Variants in PSG2 observed in about 807,000 individuals in gnomAD.
PSG2 encodes pregnancy-specific beta-1-glycoprotein 2.
Under a neutral mutation model 36.2 loss-of-function variants are expected in PSG2, and 49 were observed. That is an observed-to-expected ratio of 1.35 (90% CI 1.08 to 1.72). PSG2 has a LOEUF of 1.72. Among genes scored for constraint, PSG2 ranks in the 40% most tolerant of loss-of-function variants. The probability of loss-of-function intolerance (pLI) is 0.00; values close to 1 mark genes in which losing one functional copy is unlikely to be tolerated. For missense variants in PSG2, 605 were observed against 407.2 expected, an observed-to-expected ratio of 1.49 and a Z score of -4.18; for synonymous variants, 261 against 155.6, an observed-to-expected ratio of 1.68 and a Z score of -5.04.
intron 4 of PSG2, among the ~76,000 whole-genome samples, chr19:43,071,169 T>G (rs1220481763): frequency 6.6e-6 from 1 of 151,380 alleles, no homozygotes; most frequent in Non-Finnish European, 1.5e-5. Context: ...CACATGCTGG[T>G]CCCACCCCAG....
intron 3 of PSG2, chr19:43,072,642 C>G: frequency 6.2e-7 from 1 of 1,610,514 alleles, no homozygotes; most frequent in Non-Finnish European, 8.5e-7. Context: ...GTGTGGATAA[C>G]AGAGAGAAGA....
chr19:43,065,734 T>A (rs1967730551), intron 5 of PSG2: 1 of 151,786 alleles, frequency 6.6e-6, no homozygotes, highest in Non-Finnish European at 1.5e-5. Context: ...ACACATGAAC[T>A]GATCATCAGG....
At chr19:43,078,053 G>T (rs376770107) in intron 2 of PSG2, among the ~76,000 whole-genome samples, 49 of 151,802 alleles carry the variant, frequency 3.2e-4, no homozygotes, top group African/African-American at 1.1e-3. Flanking sequence ...CTGCAGGCCT[G>T]TCCAGCCTCT....
At chr19:43,079,913 G>A (rs557400403) in intron 2 of PSG2, among the ~76,000 whole-genome samples, 2 of 151,666 alleles carry the variant, frequency 1.3e-5, no homozygotes, top group Non-Finnish European at 2.9e-5. Flanking sequence ...TCTCCCCTTT[G>A]TGTTGGTGTG....
intron 4 of PSG2, among the ~76,000 whole-genome samples, chr19:43,070,722 G>T (rs1967803445): frequency 6.6e-6 from 1 of 151,598 alleles, no homozygotes; most frequent in Non-Finnish European, 1.5e-5. Flanking sequence ...ACTGTTTATT[G>T]GGTACAGAGG....
intron 3 of PSG2, chr19:43,072,485 C>A: frequency 6.2e-7 from 1 of 1,611,356 alleles, no homozygotes; most frequent in Non-Finnish European, 8.5e-7. Context: ...TCGCTTTACC[C>A]TGGGACTGAC....
chr19:43,074,765 G>A (rs1182548459), intron 3 of PSG2, among the ~76,000 whole-genome samples: 1 of 151,778 alleles, frequency 6.6e-6, no homozygotes, highest in Non-Finnish European at 1.5e-5. Flanking sequence ...GGATGAAACA[G>A]ACATAGAGCC....
In PSG2 at chr19:43,071,941, G is replaced by C. The variant is rs748776220; in HGVS notation, c.723C>G (p.Leu241=). The C allele has an allele frequency of 5.0e-6, 8 of 1,612,726 alleles. No homozygotes were observed. In the Admixed American group the frequency reaches 5.0e-5, roughly 10 times the overall value. ...VTLNLLHGPD[L]PRIHPSYTNY... is the part of the protein sequence containing the mutation. ...TGGTGTATGAAGGGTGAATTCTGGG[G>C]AGGTCTGGACCATCTGGAGCAAAGA... The change falls in exon 4 of 6, where the codon CTC becomes CTG. Residue 241 remains leucine (L), a synonymous_variant. Coordinates refer to ENST00000406487, the MANE Select transcript of PSG2 (RefSeq NM_031246.4).
Position 43,066,583 on chromosome 19 carries a change from G to T in PSG2, c.982C>A (p.Leu328Ile), listed in dbSNP as rs768744456. 6.2e-7 allele frequency: 1 copy of T among 1,601,724 alleles called. No individual in the cohort carries two copies. The highest frequency in any genetic ancestry group is 8.6e-7 in the Non-Finnish European group (1 of 1,169,504). The change falls in exon 5 of 6, where the codon CTT becomes ATT. Residue 328 changes from leucine to isoleucine, a missense_variant. Physicochemically the swap from Leu to Ile is conservative, Grantham distance 5. Transcript: ENST00000406487. ...VKVSASTRIGLLPLLNPT is the reference protein window; with the variant it reads ...VKVSASTRIGILPLLNPT ...TATGTTGGATTAAGGAGAGGAAGAA[G>T]TCCTATTCTTGTAGAAGCTGTCATG... is the stretch of plus-strand genomic sequence containing the variant.
intron 4 of PSG2, among the ~76,000 whole-genome samples, chr19:43,071,346 GAA>G (rs35339469): frequency 1.1e-4 from 17 of 151,140 alleles, no homozygotes; most frequent in African/African-American, 4.2e-4. Context: ...ATAGGTACAA[GAA>G]AAAAAAGACG....
Position 43,072,584 on chromosome 19 carries a change from C to T in PSG2, c.710-630G>A, listed in dbSNP as rs1219710879. 1.2e-5 allele frequency: 19 copies of T among 1,611,288 alleles called. 3 individuals are homozygous for T. On this transcript the variant is annotated intron_variant, in intron 3 of 5. Coordinates refer to ENST00000406487, the MANE Select transcript of PSG2 (RefSeq NM_031246.4). ...GAAGGCTAATACATCCTTATTCTCCCTGGGGTTTAAGTTGTTGATGGTGAT... is the reference window on the plus strand; with the variant it reads ...GAAGGCTAATACATCCTTATTCTCCTTGGGGTTTAAGTTGTTGATGGTGAT...
chr19:43,069,353 A>C (rs1188928800), intron 4 of PSG2, among the ~76,000 whole-genome samples: 1 of 151,646 alleles, frequency 6.6e-6, no homozygotes, highest in African/African-American at 2.4e-5. Context: ...TTGCAGAAAA[A>C]CAAAAATCTG....
At position 43,079,294 on chromosome 19, in the gene PSG2, G is replaced by C. The variant is rs536466886; in HGVS notation, c.430+1587C>G. On this transcript the variant is annotated intron_variant, in intron 2 of 5. Transcript: ENST00000406487. ...CCACAGTCCAGAACCAAGGAGCCCT[G>C]AGAACCCTCTGGTGGCCAAAGAGCT... is the stretch of plus-strand genomic sequence containing the variant. Among the ~76,000 whole-genome samples, 4 of 151,536 alleles carry C rather than the reference G, an allele frequency of 2.6e-5. No individual in the cohort carries two copies. In the East Asian group the frequency reaches 7.7e-4, roughly 29 times the overall value.
intron 2 of PSG2, among the ~76,000 whole-genome samples, chr19:43,076,448 C>T (rs373234122): frequency 8.6e-5 from 13 of 151,826 alleles, no homozygotes; most frequent in South Asian, 6.2e-4. Context: ...TTTGCAAATG[C>T]GAAACTGACT....
At position 43,065,071 on chromosome 19, in the gene PSG2, G is replaced by A. The variant is rs149752655; in HGVS notation, c.*41-470C>T. ...AGGATGGTCTCGATCTCCTGACCTC[G>A]TGATCTACCCACCTCGGCCTCCCAA... On this transcript the variant is annotated intron_variant, in intron 5 of 5. Coordinates refer to ENST00000406487, the MANE Select transcript of PSG2 (RefSeq NM_031246.4). 7.1e-3 allele frequency among the ~76,000 whole-genome samples: 1,083 copies of A among 151,748 alleles called. 54 individuals are homozygous for A. Among genetic ancestry groups the A allele is most frequent in the African/African-American group, 0.025 (1,040 of 41,172 alleles).
In PSG2 at chr19:43,075,339, A is replaced by G; in HGVS notation, c.709+15T>C. ...GGATGGCAGTCTGGCCCACAGAGGA[A>G]CAGAAGATACTCACGGAGGAGATTC... On this transcript the variant is annotated intron_variant, in intron 3 of 5. Coordinates refer to ENST00000406487, the MANE Select transcript of PSG2 (RefSeq NM_031246.4). 6.2e-7 allele frequency: 1 copy of G among 1,613,160 alleles called. No individual in the cohort carries two copies. Among genetic ancestry groups the G allele is most frequent in the Non-Finnish European group, 8.5e-7 (1 of 1,179,626 alleles).
chr19:43,066,320 A>C (rs546610954), intron 5 of PSG2, among the ~76,000 whole-genome samples, 197 bp downstream of exon 5: 1 of 151,818 alleles, frequency 6.6e-6, no homozygotes, highest in East Asian at 1.9e-4. Context: ...GGAGATAATT[A>C]TGTCTAAAAG....
At chr19:43,073,448 A>T (rs1051126479) in intron 3 of PSG2, among the ~76,000 whole-genome samples, 22 of 151,652 alleles carry the variant, frequency 1.5e-4, no homozygotes, top group African/African-American at 4.9e-4. Flanking sequence ...CATTTGCAAA[A>T]GCAGAACTGA....
intron 1 of PSG2, among the ~76,000 whole-genome samples, chr19:43,081,496 T>G (rs1967975309): frequency 1.3e-5 from 2 of 151,436 alleles, no homozygotes; most frequent in South Asian, 4.1e-4. Flanking sequence ...TCACCACTTG[T>G]GACCTTGGCA....
Sources: gnomAD v4.1 joint callset for allele counts (sites outside exome capture counted in the v4.1 genomes callset) on GRCh38, gnomAD v4.1.1 for gene constraint, MANE v1.5 for transcripts, NCBI Gene and HGNC (gene_info 2026-07-23, HGNC 2026-07-21) for gene names.